SVEP1: variants seen among roughly 807,000 people sequenced by gnomAD.
SVEP1 encodes sushi, von Willebrand factor type A, EGF and pentraxin domain-containing protein 1.
Under a neutral mutation model 367.3 loss-of-function variants are expected in SVEP1, and 164 were observed. That is an observed-to-expected ratio of 0.45 (90% CI 0.39 to 0.51). The LOEUF is 0.51. Ranked by LOEUF, SVEP1 falls within the 20% of genes least tolerant of loss-of-function variation. SVEP1 has a pLI of 0.00. For synonymous variants in SVEP1, 1,666 were observed against 1,611.6 expected, an observed-to-expected ratio of 1.03 and a Z score of -0.81; for missense variants, 4,117 against 4,425.3, an observed-to-expected ratio of 0.93 and a Z score of 1.98.
At chr9:110,446,400 G>C (rs778039672) in intron 25 of SVEP1, among the ~76,000 whole-genome samples, 18 of 152,158 alleles carry the variant, frequency 1.2e-4, no homozygotes, top group Non-Finnish European at 2.5e-4. Flanking sequence ...GAGAGAAGGA[G>C]GAGGTGCTGC....
intron 14 of SVEP1, among the ~76,000 whole-genome samples, chr9:110,474,441 T>C (rs1381509430): frequency 6.6e-6 from 1 of 152,200 alleles, no homozygotes; most frequent in Non-Finnish European, 1.5e-5. Flanking sequence ...CTACTGGGAA[T>C]ACATTTGGGG....
chr9:110,390,375 T>TTATATATATACTTATATAAGTA (rs1827636572), intron 40 of SVEP1, among the ~76,000 whole-genome samples: 7 of 43,932 alleles, frequency 1.6e-4, no homozygotes, highest in Admixed American at 2.3e-4. Context: ...TTATATCTAC[T>TTATATATATACTTATATAAGTA]TATATATATA....
intron 21 of SVEP1, among the ~76,000 whole-genome samples, chr9:110,456,065 G>T (rs1242261204): frequency 1.3e-5 from 2 of 152,138 alleles, no homozygotes; most frequent in Non-Finnish European, 2.9e-5. Flanking sequence ...TGGAGGTGGG[G>T]CTAAAGCCTG....
intron 1 of SVEP1, among the ~76,000 whole-genome samples, chr9:110,553,469 A>G (rs1830317202): frequency 6.6e-6 from 1 of 152,202 alleles, no homozygotes; most frequent in African/African-American, 2.4e-5. Flanking sequence ...TCCTGATGAA[A>G]CCCTGTGATA....
chr9:110,488,899 A>G (rs1349386268), intron 9 of SVEP1, among the ~76,000 whole-genome samples: 1 of 152,124 alleles, frequency 6.6e-6, no homozygotes, highest in Non-Finnish European at 1.5e-5. Flanking sequence ...AAATAAATGT[A>G]AAATATGAGG....
intron 1 of SVEP1, among the ~76,000 whole-genome samples, chr9:110,572,244 T>C (rs28711363): frequency 0.071 from 10,793 of 152,308 alleles, 556 homozygotes; most frequent in African/African-American, 0.15. Flanking sequence ...TATGCACATT[T>C]GTATCATTAG....
At position 110,377,322 on chromosome 9, in the gene SVEP1, G is replaced by A; in HGVS notation, c.10453C>T (p.Pro3485Ser). ...CCCTCTGGACAGGAACAAGCATTTG[G>A]GCGTTGGCAGATGCCCCCATTCTGA... is the stretch of plus-strand genomic sequence containing the variant. Reference protein sequence around the residue: ...PCQNGGICQRPNACSCPEGWM... With the variant: ...PCQNGGICQRSNACSCPEGWM... The change falls in exon 45 of 48, where the codon CCA (proline) becomes TCA (serine). Residue 3485 changes from proline (P) to serine (S), a missense_variant. Pro to Ser is a moderately conservative substitution (Grantham distance 74, BLOSUM62 -1). Transcript: ENST00000374469. 1 of 1,613,784 alleles carries A rather than the reference G, an allele frequency of 6.2e-7. No homozygotes were observed.
intron 3 of SVEP1, among the ~76,000 whole-genome samples, chr9:110,543,290 T>C (rs1454602510): frequency 6.6e-6 from 1 of 152,178 alleles, no homozygotes; most frequent in Non-Finnish European, 1.5e-5. Context: ...GATGCAACTC[T>C]ATATAATTTA....
At chr9:110,456,507 C>T (rs1000962477) in intron 21 of SVEP1, among the ~76,000 whole-genome samples, 56 of 151,926 alleles carry the variant, frequency 3.7e-4, no homozygotes, top group African/African-American at 1.3e-3. Context: ...AAATGGGATG[C>T]CAATATTCTA....
intron 13 of SVEP1, among the ~76,000 whole-genome samples, chr9:110,478,663 A>T (rs1182666878): frequency 6.6e-6 from 1 of 152,188 alleles, no homozygotes; most frequent in African/African-American, 2.4e-5. Context: ...CAGTGACAAC[A>T]TTATTTCTCT....
chr9:110,405,772 G>A (rs181159844), intron 38 of SVEP1, among the ~76,000 whole-genome samples: 1 of 152,130 alleles, frequency 6.6e-6, no homozygotes, highest in Admixed American at 6.5e-5. Context: ...TTTGCCTTAT[G>A]TCCCCAATAT....
At chr9:110,432,237 T>C (rs1828361599) in intron 31 of SVEP1, among the ~76,000 whole-genome samples, 1 of 152,208 alleles carries the variant, frequency 6.6e-6, no homozygotes, top group Non-Finnish European at 1.5e-5. Context: ...TGGGCAAGTA[T>C]AAGACAGGGA....
chr9:110,528,646 A>G (rs1829976815), intron 3 of SVEP1, among the ~76,000 whole-genome samples: 1 of 151,320 alleles, frequency 6.6e-6, no homozygotes, highest in African/African-American at 2.4e-5. Flanking sequence ...TTTTAATGAG[A>G]TTATTTATTT....
chr9:110,418,483 C>T (rs1828148918), intron 36 of SVEP1, among the ~76,000 whole-genome samples: 2 of 1,552 alleles, frequency 1.3e-3, no homozygotes, highest in South Asian at 0.016. Context: ...ACCAAATCTA[C>T]GTCTGATTGG....
intron 43 of SVEP1, among the ~76,000 whole-genome samples, chr9:110,385,278 G>A (rs901008118): frequency 1.3e-5 from 2 of 152,214 alleles, no homozygotes; most frequent in East Asian, 1.9e-4. Context: ...ACCGCACCCA[G>A]CTGGCAGTGA....
At chr9:110,453,634 G>A (rs1275166289) in intron 22 of SVEP1, among the ~76,000 whole-genome samples, 1 of 152,142 alleles carries the variant, frequency 6.6e-6, no homozygotes, top group African/African-American at 2.4e-5. Flanking sequence ...TTGGGAGGCT[G>A]GAGTGGGTGG....
At chr9:110,519,702 A>C (rs1829853818) in intron 3 of SVEP1, among the ~76,000 whole-genome samples, 1 of 152,176 alleles carries the variant, frequency 6.6e-6, no homozygotes, top group African/African-American at 2.4e-5. Context: ...AAAGAAAACA[A>C]GCCCTGATGG....
chr9:110,472,927 T>C (rs929548175), intron 14 of SVEP1, among the ~76,000 whole-genome samples: 2 of 152,320 alleles, frequency 1.3e-5, no homozygotes, highest in East Asian at 3.9e-4. Context: ...TGGGTTCAGA[T>C]TGTGGCTTCT....
At chr9:110,391,329 G>T (rs1827652415) in intron 40 of SVEP1, among the ~76,000 whole-genome samples, 1 of 150,090 alleles carries the variant, frequency 6.7e-6, no homozygotes, top group African/African-American at 2.5e-5. Context: ...GGAATGCAGT[G>T]GTGCAATCTC....
Sources: gnomAD v4.1 joint callset for allele counts (sites outside exome capture counted in the v4.1 genomes callset) on GRCh38, gnomAD v4.1.1 for gene constraint, MANE v1.5 for transcripts, NCBI Gene and HGNC (gene_info 2026-07-23, HGNC 2026-07-21) for gene names.